Variants in ADGRL2 observed in about 807,000 individuals in gnomAD.
ADGRL2 encodes the protein calcium-independent alpha-latrotoxin receptor 2.
A neutral mutation model predicts 157.4 loss-of-function variants in ADGRL2; 44 were observed. That is an observed-to-expected ratio of 0.28 (90% CI 0.22 to 0.36). The LOEUF (loss-of-function observed/expected upper bound fraction) is 0.36, where lower values mean the gene tolerates loss of function less well. Ranked by LOEUF, ADGRL2 falls within the 10% of genes least tolerant of loss-of-function variation. The pLI, the probability that ADGRL2 is intolerant of heterozygous loss-of-function variation, is 1.00. For synonymous variants in ADGRL2, 585 were observed against 624.7 expected, an observed-to-expected ratio of 0.94 and a Z score of 0.95; for missense variants, 1,510 against 1,768.9, an observed-to-expected ratio of 0.85 and a Z score of 2.63.
chr1:81,898,002 A>G (rs773317662), intron 2 of ADGRL2, among the ~76,000 whole-genome samples: 1 of 152,138 alleles, frequency 6.6e-6, no homozygotes, highest in Admixed American at 6.6e-5. Context: ...GGGGTGAGGA[A>G]GAGGCTGATT....
intron 1 of ADGRL2, among the ~76,000 whole-genome samples, chr1:81,307,048 C>A (rs1203243534): frequency 1.3e-5 from 2 of 152,198 alleles, no homozygotes; most frequent in African/African-American, 2.4e-5. Context: ...TATTCTTCAC[C>A]ATTTTAAAAT....
intron 1 of ADGRL2, among the ~76,000 whole-genome samples, chr1:81,321,485 C>T (rs1660493267): frequency 6.6e-6 from 1 of 152,132 alleles, no homozygotes; most frequent in Non-Finnish European, 1.5e-5. Flanking sequence ...TTAGAGGCAA[C>T]CCTTCCTTTC....
intron 1 of ADGRL2, chr1:81,426,418 T>C (rs2077217221): frequency 1.4e-5 from 5 of 361,062 alleles, no homozygotes; most frequent in South Asian, 6.5e-5. Context: ...ACTCAGTAGA[T>C]AGTGAACTCG....
chr1:81,863,993 T>G (rs1456574796), intron 2 of ADGRL2, among the ~76,000 whole-genome samples: 1 of 152,192 alleles, frequency 6.6e-6, no homozygotes, highest in South Asian at 2.1e-4. Flanking sequence ...TAAGTGGTAA[T>G]CTATTGTGGA....
At chr1:81,507,897 T>C (rs13374284) in intron 2 of ADGRL2, among the ~76,000 whole-genome samples, 2,950 of 151,784 alleles carry the variant, frequency 0.019, 83 homozygotes, top group African/African-American at 0.068. Context: ...CTGTGCAAAA[T>C]GAAAACATGA....
At chr1:81,775,879 G>A (rs951973142) in intron 2 of ADGRL2, among the ~76,000 whole-genome samples, 1 of 152,134 alleles carries the variant, frequency 6.6e-6, no homozygotes, top group Non-Finnish European at 1.5e-5. Flanking sequence ...CATTCAACAA[G>A]TATTATATTA....
intron 4 of ADGRL2, among the ~76,000 whole-genome samples, chr1:81,940,533 A>C (rs1647510993): frequency 6.6e-6 from 1 of 151,634 alleles, no homozygotes; most frequent in African/African-American, 2.4e-5. Context: ...TGATTGGGGA[A>C]AGTTGTAGCT....
intron 3 of ADGRL2, among the ~76,000 whole-genome samples, chr1:81,604,503 C>T (rs1295126206): frequency 1.7e-4 from 26 of 152,312 alleles, no homozygotes; most frequent in South Asian, 8.3e-4. Flanking sequence ...GAGAAACAGA[C>T]ACAAGTGCCA....
rs752772201 is a variant in ADGRL2, at chr1:81,787,844, T to TACA, written c.-101+25995_-101+25997dup. Among the ~76,000 whole-genome samples, 87 of 152,246 alleles carry TACA rather than the reference T, an allele frequency of 5.7e-4. 1 individual carries two copies. Among genetic ancestry groups the TACA allele is most frequent in the Middle Eastern group, 3.4e-3 (1 of 294 alleles). On this transcript the variant is annotated intron_variant, in intron 2 of 20. Coordinates refer to the ADGRL2 transcript ENST00000359929. The stretch of plus-strand genomic sequence containing the variant: ...AAGAACACAAATGAGGTAATACATA[T>TACA]ACAACCCTTTGAACAAAGTAAAGCA...
chr1:81,965,256 C>G (rs544230368), intron 11 of ADGRL2, among the ~76,000 whole-genome samples: 1 of 152,294 alleles, frequency 6.6e-6, no homozygotes, highest in East Asian at 1.9e-4. Flanking sequence ...GGTGGTCTCT[C>G]TCGCAAATAT....
intron 1 of ADGRL2, among the ~76,000 whole-genome samples, chr1:81,736,966 C>T (rs907987061): frequency 2.0e-5 from 3 of 152,082 alleles, no homozygotes; most frequent in Non-Finnish European, 4.4e-5. Context: ...TCTGGAGTAG[C>T]TGGGACTACG....
At chr1:81,955,222 T>C (rs778579010) in intron 10 of ADGRL2, among the ~76,000 whole-genome samples, 17 of 152,204 alleles carry the variant, frequency 1.1e-4, no homozygotes, top group Non-Finnish European at 2.2e-4. Flanking sequence ...CTTTATCCCT[T>C]TAAAAGCAGA....
chr1:81,523,053 T>C (rs1049539494), intron 2 of ADGRL2, among the ~76,000 whole-genome samples: 5 of 123,094 alleles, frequency 4.1e-5, no homozygotes, highest in Admixed American at 2.3e-4. Context: ...AAAAGTTACC[T>C]GGAAAAAAAA....
rs1377422210 is a variant in ADGRL2, at chr1:81,501,933, C to A, written c.-248+56844C>A. Reference sequence around the variant, plus strand: ...GCCCAAAAGCTGGTCACGCAGCCGACTCTCTTTTCCGCCACAGCTGGGAGA... The same window carrying A: ...GCCCAAAAGCTGGTCACGCAGCCGAATCTCTTTTCCGCCACAGCTGGGAGA... On this transcript the variant is annotated intron_variant, in intron 2 of 24. Coordinates refer to the ADGRL2 transcript ENST00000370721. 5 of 1,613,834 alleles carry A rather than the reference C, an allele frequency of 3.1e-6. No individual in the cohort carries two copies. The African/African-American group carries it at 6.7e-5, about 22-fold the overall frequency.
chr1:81,627,092 A>C (rs2081925953), intron 3 of ADGRL2, among the ~76,000 whole-genome samples: 1 of 151,916 alleles, frequency 6.6e-6, no homozygotes. Context: ...GTTAGCTATT[A>C]TTATTATTAT....
intron 2 of ADGRL2, among the ~76,000 whole-genome samples, chr1:81,538,124 C>G (rs961803852): frequency 6.6e-6 from 1 of 152,146 alleles, no homozygotes; most frequent in African/African-American, 2.4e-5. Flanking sequence ...GGGTATTTAA[C>G]AAGAAGTTCT....
At chr1:81,716,450 G>A (rs535160774) in intron 1 of ADGRL2, among the ~76,000 whole-genome samples, 83 of 152,226 alleles carry the variant, frequency 5.5e-4, no homozygotes, top group African/African-American at 1.5e-3. Flanking sequence ...ATTGAGTATT[G>A]CTGTTGTCAT....
At chr1:81,973,642 T>C (rs560290077) in intron 17 of ADGRL2, among the ~76,000 whole-genome samples, 94 of 152,358 alleles carry the variant, frequency 6.2e-4, no homozygotes, top group African/African-American at 2.2e-3. Flanking sequence ...CATTTTATTA[T>C]GTTGTTCATT....
intron 1 of ADGRL2, among the ~76,000 whole-genome samples, chr1:81,328,604 C>G (rs1331324071): frequency 6.6e-6 from 1 of 151,948 alleles, no homozygotes; most frequent in Admixed American, 6.6e-5. Flanking sequence ...GGGAGTCATA[C>G]CTTAAAAAGA....
Sources: allele counts gnomAD v4.1 joint callset (sites outside exome capture counted in the v4.1 genomes callset), GRCh38; gene constraint gnomAD v4.1.1; transcripts MANE v1.5; gene names NCBI Gene and HGNC (gene_info 2026-07-23, HGNC 2026-07-21).